The following FAM107B variants were observed in gnomAD, a reference collection of about 807,000 sequenced individuals.
FAM107B encodes the protein protein FAM107B.
FAM107B carries 21 observed loss-of-function variants against 31.5 expected under a neutral mutation model. The observed-to-expected ratio is 0.67, with a 90% confidence interval of 0.47 to 0.96. The LOEUF is 0.96. Ranked by LOEUF, FAM107B falls within the 40% of genes least tolerant of loss-of-function variation. The pLI is 0.00. For missense variants in FAM107B, 452 were observed against 377.1 expected (o/e 1.20, Z -1.64); for synonymous variants, 157 against 141.5 (o/e 1.11, Z -0.78).
At chr10:14,653,161 A>G (rs1853945853) in intron 2 of FAM107B, among the ~76,000 whole-genome samples, 1 of 152,222 alleles carries the variant, frequency 6.6e-6, no homozygotes, top group Admixed American at 6.5e-5. Flanking sequence ...CTGCCACGGT[A>G]TTTACAATTA....
At chr10:14,685,225 C>T (rs559070691) in intron 1 of FAM107B, among the ~76,000 whole-genome samples, 50 of 151,084 alleles carry the variant, frequency 3.3e-4, no homozygotes, top group South Asian at 2.3e-3. Flanking sequence ...CAGAGCTCAC[C>T]GCAACCTCCA....
chr10:14,754,309 C>G (rs1832887324), intron 1 of FAM107B, among the ~76,000 whole-genome samples: 2 of 152,118 alleles, frequency 1.3e-5, no homozygotes, highest in African/African-American at 4.8e-5. Flanking sequence ...GGTCGTGGAG[C>G]CTCTTCTGAG....
At position 14,774,761 on chromosome 10, in the gene FAM107B, C is replaced by A; in HGVS notation, c.-98G>T. On this transcript the variant is annotated 5_prime_UTR_variant, in exon 1 of 5. Transcript: ENST00000181796. ...TGCTTATAGGAACTCTTTCCAATTG[C>A]CCGAAGAGAAGAACTTGCTAGTGGT... 7.5e-7 allele frequency: 1 copy of A among 1,338,956 alleles called. No individual in the cohort carries two copies. The highest frequency in any genetic ancestry group is 1.5e-5 in the African/African-American group (1 of 68,536). 82.9% of individuals were successfully genotyped at this position (1,338,956 alleles called of 1,614,324 possible). A position where few individuals can be genotyped will look rare whatever the true frequency, so the allele number is the denominator to read the frequency against.
At chr10:14,562,046 A>G (rs1253854649) in intron 2 of FAM107B, among the ~76,000 whole-genome samples, 2 of 152,202 alleles carry the variant, frequency 1.3e-5, no homozygotes, top group Non-Finnish European at 2.9e-5. Context: ...TTGGCCTCCC[A>G]AAGTGGTAGG....
intron 2 of FAM107B, among the ~76,000 whole-genome samples, chr10:14,619,779 TAGA>T (rs1396291086): frequency 6.6e-6 from 1 of 151,656 alleles, no homozygotes; most frequent in Non-Finnish European, 1.5e-5. Context: ...TGTTTTCTTT[TAGA>T]AGTTTTATAG....
At chr10:14,530,095 G>T in intron 3 of FAM107B, 1 of 428,986 alleles carries the variant, frequency 2.3e-6, no homozygotes, top group East Asian at 3.9e-5. Context: ...TTTCAGAAGG[G>T]AACCCGTGAC....
intron 1 of FAM107B, among the ~76,000 whole-genome samples, chr10:14,669,702 T>C (rs2131476584): frequency 6.6e-6 from 1 of 152,344 alleles, no homozygotes; most frequent in South Asian, 2.1e-4. Flanking sequence ...TTGCATGTTC[T>C]TACTCATATG....
intron 1 of FAM107B, among the ~76,000 whole-genome samples, chr10:14,679,588 G>T (rs1465293319): frequency 3.3e-5 from 5 of 152,214 alleles, no homozygotes; most frequent in Non-Finnish European, 7.3e-5. Context: ...TGGTAAAGTT[G>T]CTACCCCTTG....
intron 2 of FAM107B, among the ~76,000 whole-genome samples, chr10:14,594,410 G>T (rs1852114353): frequency 6.6e-6 from 1 of 151,508 alleles, no homozygotes; most frequent in East Asian, 1.9e-4. Flanking sequence ...AAGCTGAGGT[G>T]GGAAGATCCC....
intron 2 of FAM107B, among the ~76,000 whole-genome samples, chr10:14,539,611 T>C (rs1465058423): frequency 6.6e-6 from 1 of 152,010 alleles, no homozygotes; most frequent in Non-Finnish European, 1.5e-5. Context: ...AAAAATACTC[T>C]AGGGTGTGAG....
chr10:14,569,312 G>A (rs2131247054), intron 2 of FAM107B, among the ~76,000 whole-genome samples: 1 of 152,258 alleles, frequency 6.6e-6, no homozygotes, highest in South Asian at 2.1e-4. Flanking sequence ...ATAAAAGTCA[G>A]AAGGAAGATT....
intron 1 of FAM107B, among the ~76,000 whole-genome samples, chr10:14,673,727 C>T (rs562655205): frequency 2.0e-5 from 3 of 152,010 alleles, no homozygotes; most frequent in South Asian, 2.1e-4. Flanking sequence ...TTTTTCATAA[C>T]GGCTGTACTG....
intron 1 of FAM107B, among the ~76,000 whole-genome samples, chr10:14,722,194 A>T (rs1279371579): frequency 1.3e-5 from 2 of 152,150 alleles, no homozygotes; most frequent in South Asian, 2.1e-4. Flanking sequence ...GTCATTCCCC[A>T]TTCCTTCCTC....
At chr10:14,594,284 T>C (rs935362818) in intron 2 of FAM107B, among the ~76,000 whole-genome samples, 10 of 152,214 alleles carry the variant, frequency 6.6e-5, no homozygotes, top group Non-Finnish European at 1.3e-4. Flanking sequence ...CGCAAAAGGA[T>C]TGCTTGAGGC....
At chr10:14,544,651 C>T (rs144832114) in intron 2 of FAM107B, among the ~76,000 whole-genome samples, 1 of 152,262 alleles carries the variant, frequency 6.6e-6, no homozygotes, top group East Asian at 1.9e-4. Flanking sequence ...GCAGTAATTC[C>T]ACTTTTAGGA....
chr10:14,672,746 T>C (rs1301120369), intron 1 of FAM107B, among the ~76,000 whole-genome samples: 1 of 152,178 alleles, frequency 6.6e-6, no homozygotes, highest in Non-Finnish European at 1.5e-5. Flanking sequence ...TGGTACAAAT[T>C]AGCTTCTTTT....
At chr10:14,545,955 CAG>C (rs1455168199) in intron 2 of FAM107B, among the ~76,000 whole-genome samples, 6 of 152,200 alleles carry the variant, frequency 3.9e-5, no homozygotes, top group Admixed American at 1.3e-4. Context: ...GGAAAATACA[CAG>C]ACCACGAAAA....
At chr10:14,620,105 C>T (rs1362093952) in intron 2 of FAM107B, among the ~76,000 whole-genome samples, 2 of 151,152 alleles carry the variant, frequency 1.3e-5, no homozygotes, top group Non-Finnish European at 2.9e-5. Flanking sequence ...CTGAAACCTC[C>T]GCTCCCAGGT....
chr10:14,765,758 G>C (rs947713301), intron 1 of FAM107B, among the ~76,000 whole-genome samples: 3 of 152,162 alleles, frequency 2.0e-5, no homozygotes, highest in African/African-American at 7.2e-5. Context: ...TCACTAATAG[G>C]GCATTTGTTT....
Sources: allele counts gnomAD v4.1 joint callset (sites outside exome capture counted in the v4.1 genomes callset), GRCh38; gene constraint gnomAD v4.1.1; transcripts MANE v1.5; gene names NCBI Gene and HGNC (gene_info 2026-07-23, HGNC 2026-07-21).